ADAMTS12: variants seen among roughly 807,000 people sequenced by gnomAD.
The protein encoded by ADAMTS12 is A disintegrin and metalloproteinase with thrombospondin motifs 12.
In ADAMTS12, 118 loss-of-function variants were observed where a neutral mutation model predicts 167.8. The observed-to-expected ratio is 0.70, with a 90% CI of 0.61 to 0.82. The LOEUF (loss-of-function observed/expected upper bound fraction) is 0.82, where lower values mean the gene tolerates loss of function less well. ADAMTS12 is among the 40% of genes least tolerant of loss of function. ADAMTS12 has a pLI of 0.00. For synonymous variants in ADAMTS12, 704 were observed against 716.9 expected, an observed-to-expected ratio of 0.98 and a Z score of 0.29; for missense variants, 1,916 against 1,998.8, an observed-to-expected ratio of 0.96 and a Z score of 0.79.
chr5:33,619,758 G>A (rs762579626), intron 14 of ADAMTS12, among the ~76,000 whole-genome samples: 40 of 152,144 alleles, frequency 2.6e-4, no homozygotes, highest in Non-Finnish European at 4.1e-4. Flanking sequence ...GCAGTGGTGC[G>A]ATCTGGGCTC....
chr5:33,684,181 C>T (rs913542270), intron 3 of ADAMTS12, 126 bp from the exon 4 acceptor site: 21 of 674,264 alleles, frequency 3.1e-5, no homozygotes, highest in African/African-American at 3.7e-5. Context: ...AATGTTTTTA[C>T]GTACATAACC....
At chr5:33,739,262 CACAT>C (rs1195032491) in intron 3 of ADAMTS12, among the ~76,000 whole-genome samples, 7 of 152,126 alleles carry the variant, frequency 4.6e-5, no homozygotes, top group South Asian at 4.2e-4. Context: ...CCTTCACACA[CACAT>C]AAACACACAC....
At chr5:33,881,020 C>T (rs76961969) in intron 2 of ADAMTS12, 99 bp downstream of exon 2, 1 of 1,510,030 alleles carries the variant, frequency 6.6e-7, no homozygotes, top group Non-Finnish European at 8.9e-7. Flanking sequence ...GGTTCAACTC[C>T]CATATGTCAG....
chr5:33,662,067 C>T (rs775575382), intron 5 of ADAMTS12, 27 bp from the exon 6 acceptor site: 3 of 1,601,954 alleles, frequency 1.9e-6, no homozygotes, highest in Non-Finnish European at 2.5e-6. Flanking sequence ...AAGAGATTAG[C>T]ATGGGAGAGC....
chr5:33,660,488 A>G (rs748379451), intron 6 of ADAMTS12, among the ~76,000 whole-genome samples: 14 of 152,230 alleles, frequency 9.2e-5, no homozygotes, highest in South Asian at 2.1e-4. Context: ...CATTTCACAC[A>G]TGTAAGCTAT....
At chr5:33,651,636 G>GT (rs998480604) in intron 7 of ADAMTS12, among the ~76,000 whole-genome samples, 3 of 152,076 alleles carry the variant, frequency 2.0e-5, no homozygotes, top group African/African-American at 4.8e-5. Context: ...CACCTTAACA[G>GT]TTTTTTTCTA....
chr5:33,835,949 C>CTCAA (rs1748504511), intron 2 of ADAMTS12, among the ~76,000 whole-genome samples: 1 of 42,286 alleles, frequency 2.4e-5, no homozygotes, highest in African/African-American at 6.9e-5. Context: ...CTCTCTCTCT[C>CTCAA]TCTCTGTGTG....
intron 12 of ADAMTS12, among the ~76,000 whole-genome samples, chr5:33,633,577 C>T (rs1350426584): frequency 6.6e-6 from 1 of 152,064 alleles, no homozygotes; most frequent in Non-Finnish European, 1.5e-5. Context: ...AGGTTCAGTG[C>T]TATTCAAGGC....
rs1746754295 is a variant in ADAMTS12, at chr5:33,576,794, A to C, written c.3232T>G (p.Ser1078Ala). The change falls in exon 19 of 24, where the codon TCT becomes GCT. Residue 1078 changes from serine to alanine, a missense_variant. By Grantham distance (99) the Ser-to-Ala change is moderately conservative. Coordinates refer to ENST00000504830, the MANE Select transcript of ADAMTS12 (RefSeq NM_030955.4). Reference sequence around the variant, plus strand: ...CTTCCAGTGGAAATGAGATAGCGAGAGCTCAGCTCAGGTTGGGTTGAGCTA... The same window carrying C: ...CTTCCAGTGGAAATGAGATAGCGAGCGCTCAGCTCAGGTTGGGTTGAGCTA... ...QDSSTQPELS[S>A]RYLISTGSTS... The C allele has an allele frequency of 6.2e-7, 1 of 1,614,054 alleles. No homozygotes were observed. Among genetic ancestry groups the C allele is most frequent in the Non-Finnish European group, 8.5e-7 (1 of 1,180,042 alleles).
intron 2 of ADAMTS12, among the ~76,000 whole-genome samples, chr5:33,822,488 T>C (rs1289954121): frequency 2.0e-5 from 3 of 152,176 alleles, no homozygotes; most frequent in African/African-American, 7.2e-5. Flanking sequence ...TTAATCTCCA[T>C]GGTGTTCTCC....
At chr5:33,696,603 G>A (rs1298286716) in intron 3 of ADAMTS12, among the ~76,000 whole-genome samples, 1 of 152,140 alleles carries the variant, frequency 6.6e-6, no homozygotes, top group Admixed American at 6.5e-5. Flanking sequence ...TAGAGATGGA[G>A]TTCAGGGATA....
In ADAMTS12 at chr5:33,524,359, C is replaced by T. The variant is rs1157947743; in HGVS notation, c.*2829G>A. 6.6e-6 allele frequency: 1 copy of T among 152,148 alleles called. No individual in the cohort carries two copies. Among genetic ancestry groups the T allele is most frequent in the Non-Finnish European group, 1.5e-5 (1 of 68,024 alleles). The allele number at this position is 152,148 out of a possible 1,614,324, so 9.4% of individuals were successfully genotyped here. On this transcript the variant is annotated 3_prime_UTR_variant, in exon 24 of 24. Transcript: ENST00000504830. Reference sequence around the variant, plus strand: ...TTCCAGAGAAGAGCTAAATATACTACTGTGAAAGACAACGTAAACCAAACT... The same window carrying T: ...TTCCAGAGAAGAGCTAAATATACTATTGTGAAAGACAACGTAAACCAAACT...
At chr5:33,580,529 C>A (rs1313589991) in intron 18 of ADAMTS12, among the ~76,000 whole-genome samples, 1 of 152,168 alleles carries the variant, frequency 6.6e-6, no homozygotes, top group Non-Finnish European at 1.5e-5. Flanking sequence ...GGTGGGGACA[C>A]ACAGCCAGAC....
chr5:33,623,951 G>C (rs1193584184), intron 14 of ADAMTS12, among the ~76,000 whole-genome samples: 1 of 152,106 alleles, frequency 6.6e-6, no homozygotes. Context: ...TCCTCTCCCA[G>C]AGATCACACT....
At chr5:33,616,545 C>A (rs1476957573) in intron 14 of ADAMTS12, among the ~76,000 whole-genome samples, 3 of 152,176 alleles carry the variant, frequency 2.0e-5, no homozygotes, top group Non-Finnish European at 2.9e-5. Flanking sequence ...TAATGTAATC[C>A]TAGCTTCCAT....
intron 3 of ADAMTS12, among the ~76,000 whole-genome samples, chr5:33,731,193 T>C (rs1744182799): frequency 6.6e-6 from 1 of 151,288 alleles, no homozygotes; most frequent in Admixed American, 6.6e-5. Flanking sequence ...TTCTTTTCTT[T>C]TTTTTTTTTT....
chr5:33,806,142 T>A (rs541019698), intron 2 of ADAMTS12, among the ~76,000 whole-genome samples: 1 of 152,342 alleles, frequency 6.6e-6, no homozygotes, highest in African/African-American at 2.4e-5. Flanking sequence ...GAATTTCAGC[T>A]TACTCATTAG....
At chr5:33,632,686 A>G (rs924034148) in intron 12 of ADAMTS12, among the ~76,000 whole-genome samples, 1 of 152,230 alleles carries the variant, frequency 6.6e-6, no homozygotes, top group African/African-American at 2.4e-5. Flanking sequence ...GAACAATTCT[A>G]TTCTCCTAAG....
intron 2 of ADAMTS12, among the ~76,000 whole-genome samples, chr5:33,787,122 T>C (rs1451029363): frequency 6.6e-6 from 1 of 152,184 alleles, no homozygotes. Context: ...TGAAGCACAT[T>C]GTCATTCTTT....
Sources: gnomAD v4.1 joint callset for allele counts (sites outside exome capture counted in the v4.1 genomes callset) on GRCh38, gnomAD v4.1.1 for gene constraint, MANE v1.5 for transcripts, NCBI Gene and HGNC (gene_info 2026-07-23, HGNC 2026-07-21) for gene names.